Variants in TFEB observed in about 807,000 individuals in gnomAD.
TFEB encodes transcription factor EB.
A neutral mutation model predicts 48.0 loss-of-function variants in TFEB; 12 were observed. The observed-to-expected ratio is 0.25, with a 90% CI of 0.16 to 0.40. TFEB has a LOEUF of 0.40. TFEB is among the 10% of genes least tolerant of loss of function. The pLI, the probability that TFEB is intolerant of heterozygous loss-of-function variation, is 1.00. For synonymous variants in TFEB, 244 were observed against 261.4 expected (o/e 0.93, Z 0.64); for missense variants, 509 against 640.3 (o/e 0.79, Z 2.21).
rs371923346 is a variant in TFEB at position 41,684,900 on chromosome 6, G to A, written c.1130C>T (p.Pro377Leu). 5.5e-5 allele frequency: 87 copies of A among 1,570,038 alleles called. No homozygotes were observed. The highest frequency in any genetic ancestry group is 1.8e-4 in the Middle Eastern group (1 of 5,638). The change falls in exon 9 of 9, where the codon CCG (proline) becomes CTG (leucine). Residue 377 changes from proline (P) to leucine (L), a missense_variant. Coordinates refer to ENST00000373033, the MANE Select transcript of TFEB (RefSeq NM_001271944.2). ...PDPEPLPALP[P>L]QAPLPLPTQP... Reference sequence around the variant, plus strand: ...GGTGGGCAGGGGCAGCGGGGCTTGCGGGGGCAGAGCTGGCAGTGGCTCAGG... The same window carrying A: ...GGTGGGCAGGGGCAGCGGGGCTTGCAGGGGCAGAGCTGGCAGTGGCTCAGG...
chr6:41,725,760 T>G (rs1319849587), intron 1 of TFEB, among the ~76,000 whole-genome samples: 1 of 152,262 alleles, frequency 6.6e-6, no homozygotes, highest in East Asian at 1.9e-4. Context: ...ACCCCAAAAT[T>G]ATATATTTTT....
intron 1 of TFEB, among the ~76,000 whole-genome samples, chr6:41,731,795 T>C (rs1255915757): frequency 3.3e-5 from 5 of 152,210 alleles, no homozygotes; most frequent in African/African-American, 4.8e-5. Context: ...GTGGAATGCA[T>C]GGCACAAAGC....
intron 1 of TFEB, chr6:41,733,761 C>T (rs1014871353): frequency 9.1e-6 from 9 of 984,860 alleles, no homozygotes; most frequent in Non-Finnish European, 1.1e-5. Context: ...GGCTGTCCCT[C>T]CCCGGACAGT....
At position 41,685,970 on chromosome 6, in the gene TFEB, T is replaced by A. The variant is rs538389402; in HGVS notation, c.951+120A>T. 2.9e-5 allele frequency: 38 copies of A among 1,305,092 alleles called. No individual in the cohort carries two copies. In the South Asian group the frequency reaches 4.2e-4, roughly 15 times the overall value. The allele number at this position is 1,305,092 out of a possible 1,614,324, so 80.8% of individuals were successfully genotyped here. A position where few individuals can be genotyped will look rare whatever the true frequency, so the allele number is the denominator to read the frequency against. On this transcript the variant is annotated intron_variant, in intron 8 of 8. Coordinates refer to ENST00000373033, the MANE Select transcript of TFEB (RefSeq NM_001271944.2). ...GCAAAACATCCTAACTGATACATCCTCCTTCCTAATGGGCATTATTCCTGT... is the reference window on the plus strand; with the variant it reads ...GCAAAACATCCTAACTGATACATCCACCTTCCTAATGGGCATTATTCCTGT...
chr6:41,712,231 A>G (rs1289554019), intron 1 of TFEB, among the ~76,000 whole-genome samples: 2 of 152,104 alleles, frequency 1.3e-5, no homozygotes, highest in Non-Finnish European at 2.9e-5. Flanking sequence ...CAGGACTCCA[A>G]ATCCTACCAT....
chr6:41,735,090 G>T, intron 1 of TFEB: 1 of 984,892 alleles, frequency 1.0e-6, no homozygotes, highest in Non-Finnish European at 1.2e-6. Context: ...AGGTCGCGGA[G>T]AAGCCGCCCC....
chr6:41,698,781 C>A (rs1360551432), intron 1 of TFEB, among the ~76,000 whole-genome samples: 5 of 152,180 alleles, frequency 3.3e-5, no homozygotes, highest in Non-Finnish European at 5.9e-5. Flanking sequence ...AGGAACCTTT[C>A]AGCCTAGGGA....
At chr6:41,688,115 C>T in intron 4 of TFEB, 87 bp from the exon 5 acceptor site, 1 of 1,482,948 alleles carries the variant, frequency 6.7e-7, no homozygotes, top group Non-Finnish European at 9.1e-7. Flanking sequence ...AGGAGCAGTC[C>T]TTCCTGGGGA....
intron 1 of TFEB, chr6:41,732,614 C>G: frequency 1.0e-6 from 1 of 985,954 alleles, no homozygotes; most frequent in African/African-American, 1.7e-5. Context: ...TACATAAACC[C>G]CACACCAACC....
In TFEB at chr6:41,720,647, C is replaced by T. The variant is rs1411270322; in HGVS notation, c.-23+14703G>A. On this transcript the variant is annotated intron_variant, in intron 1 of 8. Transcript: ENST00000373033. This position sits in a 1 kb window ranked among gnomAD's most constrained non-coding sequence, Gnocchi z 4.1. ...ATCTAAATAGTGGGAAGTCTTCTGG[C>T]TTCTGGATAGGGCTCAAGCTGAGAG... is the stretch of plus-strand genomic sequence containing the variant. 1 of 152,126 alleles carries T rather than the reference C, an allele frequency of 6.6e-6. No individual in the cohort carries two copies. Among genetic ancestry groups the T allele is most frequent in the Non-Finnish European group, 1.5e-5 (1 of 68,078 alleles). The allele number at this position is 152,126 out of a possible 1,614,324, so 9.4% of individuals were successfully genotyped here.
rs1156920244 is a variant in TFEB at position 41,691,123 on chromosome 6, T to C, written c.91A>G (p.Met31Val). 4 of 1,586,606 alleles carry C rather than the reference T, an allele frequency of 2.5e-6. No homozygotes were observed. Among genetic ancestry groups the C allele is most frequent in the South Asian group, 1.1e-5 (1 of 87,916 alleles). ...QRERMQQQAV[M>V]HYMQQQQQQQ... The stretch of plus-strand genomic sequence containing the variant: ...TGCTGCTGCTGCTGCATGTAATGCA[T>C]GACAGCCTGTTGCTGCATGCGCTCC... Residue 31 changes from methionine to valine, a missense_variant, in exon 2 of 9, where the codon ATG (methionine) becomes GTG (valine). Met to Val is a conservative substitution (Grantham distance 21). This residue lies in a region of TFEB where 251 missense variants were observed against 317.2 expected (regional missense o/e 0.79). Coordinates refer to ENST00000373033, the MANE Select transcript of TFEB (RefSeq NM_001271944.2). The surrounding 1 kb of genome is among the most constrained non-coding windows in gnomAD (Gnocchi z 5.2).
intron 8 of TFEB, 112 bp downstream of exon 8, chr6:41,685,978 A>C: frequency 7.3e-7 from 1 of 1,367,100 alleles, no homozygotes; most frequent in Non-Finnish European, 1.0e-6. Context: ...CCTCCTTCCT[A>C]ATGGGCATTA....
rs983273052 is a variant in TFEB, at chr6:41,692,843, C to T, written c.-22-1608G>A. On this transcript the variant is annotated intron_variant, in intron 1 of 8. Coordinates refer to ENST00000373033, the MANE Select transcript of TFEB (RefSeq NM_001271944.2). The stretch of plus-strand genomic sequence containing the variant: ...CCCATCTTGGGGATATTGCAAGAGG[C>T]AGTATGACTTTGTGGTTGAGCAAGG... Among the ~76,000 whole-genome samples the T allele has an allele frequency of 3.3e-5, 5 of 152,204 alleles. No individual in the cohort carries two copies. In the East Asian group the frequency reaches 9.6e-4, roughly 29 times the overall value.
chr6:41,718,161 T>C (rs13198041), intron 1 of TFEB, among the ~76,000 whole-genome samples: 10,465 of 151,884 alleles, frequency 0.069, 520 homozygotes, highest in Admixed American at 0.15. Context: ...TTTTGGGTGG[T>C]AAGAACATTT....
Position 41,723,948 on chromosome 6 carries a change from CCTT to C in TFEB, c.-23+11399_-23+11401del, listed in dbSNP as rs1178341248. ...AGCCCCGCTTCCTAGAGACATGTGT[CCTT>C]CTAGCCAGAAGCCCCACAGCTCACC... On this transcript the variant is annotated intron_variant, in intron 1 of 8. Coordinates refer to ENST00000373033, the MANE Select transcript of TFEB (RefSeq NM_001271944.2). This position sits in a 1 kb window ranked among gnomAD's most constrained non-coding sequence, Gnocchi z 6.0. The C allele has an allele frequency of 2.0e-6, 1 of 511,384 alleles. No homozygotes were observed. The highest frequency in any genetic ancestry group is 3.2e-4 in the Middle Eastern group (1 of 3,138). The allele number at this position is 511,384 out of a possible 1,614,324, so 31.7% of individuals were successfully genotyped here.
At chr6:41,693,622 C>T (rs1320116661) in intron 1 of TFEB, among the ~76,000 whole-genome samples, 2 of 152,156 alleles carry the variant, frequency 1.3e-5, no homozygotes, top group Non-Finnish European at 2.9e-5. Flanking sequence ...CTGTGCCTTC[C>T]CGACAAGGTA....
At chr6:41,726,023 C>T (rs546547197) in intron 1 of TFEB, among the ~76,000 whole-genome samples, 3 of 152,214 alleles carry the variant, frequency 2.0e-5, no homozygotes, top group African/African-American at 4.8e-5. Context: ...GTAGGAGAAT[C>T]GCTTGAGCTG....
intron 6 of TFEB, 119 bp from the exon 7 acceptor site, chr6:41,687,288 CT>C: frequency 1.1e-6 from 1 of 886,376 alleles, no homozygotes; most frequent in Non-Finnish European, 1.8e-6. Context: ...AGATTTAGTT[CT>C]TCCAGGAAGT....
intron 7 of TFEB, chr6:41,686,652 A>C: frequency 4.2e-6 from 1 of 237,666 alleles, no homozygotes. Context: ...AGTAGCTGGC[A>C]CTGTAGGCAC....
Sources: gnomAD v4.1 joint callset for allele counts (sites outside exome capture counted in the v4.1 genomes callset) on GRCh38, gnomAD v4.1.1 for gene constraint, gnomAD v4.1.1 regional missense constraint, Gnocchi (gnomAD v3.1) non-coding constraint, MANE v1.5 for transcripts, NCBI Gene and HGNC (gene_info 2026-07-23, HGNC 2026-07-21) for gene names.